PCDH9: variants seen among roughly 807,000 people sequenced by gnomAD.
PCDH9 encodes protocadherin 9, also known as protocadherin-9.
In PCDH9, 24 loss-of-function variants were observed where a neutral mutation model predicts 70.6. That is an observed-to-expected ratio of 0.34 (90% CI 0.25 to 0.48). PCDH9 has a LOEUF of 0.48. PCDH9 is among the 20% of genes least tolerant of loss of function. PCDH9 has a pLI of 0.99. For missense variants in PCDH9, 1,281 were observed against 1,503.6 expected (o/e 0.85, Z 2.45); for synonymous variants, 562 against 558.5 (o/e 1.01, Z -0.09).
chr13:66,946,513 A>T (rs1315688606), intron 2 of PCDH9, among the ~76,000 whole-genome samples: 2 of 152,080 alleles, frequency 1.3e-5, no homozygotes, highest in African/African-American at 4.8e-5. Context: ...CTAATTTTTT[A>T]AAAAGATTTT....
intron 2 of PCDH9, chr13:67,209,258 G>A (rs1320173393): frequency 6.6e-6 from 1 of 152,110 alleles, no homozygotes; most frequent in Non-Finnish European, 1.5e-5. Flanking sequence ...AATTCCTTAA[G>A]AATGTATATT....
At position 67,225,488 on chromosome 13, in the gene PCDH9, A is replaced by G. The variant is rs750028316; in HGVS notation, c.2953T>C (p.Ser985Pro). 11 of 1,613,912 alleles carry G rather than the reference A, an allele frequency of 6.8e-6. No individual in the cohort carries two copies. The East Asian group carries it at 2.5e-4, about 36-fold the overall frequency. Reference sequence around the variant, plus strand: ...GCACTGAAGTGATCTGAACTAGTGGAAGAGCGTTTAGAAAGGGTGTCACAA... The same window carrying G: ...GCACTGAAGTGATCTGAACTAGTGGGAGAGCGTTTAGAAAGGGTGTCACAA... ...GGCDTLSKRS[S>P]TSSDHFSASE... is the part of the protein sequence containing the mutation. The change falls in exon 2 of 5, where the codon TCC (serine) becomes CCC (proline). Residue 985 changes from serine (S) to proline (P), a missense_variant. Around this residue, in one of 4 missense-constraint regions of PCDH9, gnomAD observed 207 missense variants for 191.8 expected, o/e 1.08. Coordinates refer to ENST00000377865, the MANE Select transcript of PCDH9 (RefSeq NM_203487.3).
intron 4 of PCDH9, among the ~76,000 whole-genome samples, chr13:66,385,369 T>G (rs1381620151): frequency 6.6e-6 from 1 of 152,118 alleles, no homozygotes; most frequent in Non-Finnish European, 1.5e-5. Context: ...GCACTGGATA[T>G]CAGAAAAGGT....
chr13:66,498,229 C>T (rs1293139401), intron 4 of PCDH9, among the ~76,000 whole-genome samples: 1 of 151,520 alleles, frequency 6.6e-6, no homozygotes, highest in Non-Finnish European at 1.5e-5. Context: ...CTTGAAAGCT[C>T]CACTTCCCAG....
chr13:66,602,472 G>T (rs2138848104), intron 4 of PCDH9, among the ~76,000 whole-genome samples: 1 of 145,434 alleles, frequency 6.9e-6, no homozygotes, highest in South Asian at 2.2e-4. Flanking sequence ...GTGTGCTTGT[G>T]TCTTAGTTTT....
At chr13:67,006,871 C>A (rs947566220) in intron 2 of PCDH9, among the ~76,000 whole-genome samples, 2 of 152,054 alleles carry the variant, frequency 1.3e-5, no homozygotes, top group Non-Finnish European at 2.9e-5. Context: ...CTTATTTATA[C>A]ATTTAAAGGA....
chr13:67,222,544 G>T (rs954841520), intron 2 of PCDH9: 1 of 152,006 alleles, frequency 6.6e-6, no homozygotes, highest in Non-Finnish European at 1.5e-5. Flanking sequence ...TTATGTTTTC[G>T]TTATACATAC....
chr13:67,154,870 A>AT (rs984259673), intron 2 of PCDH9, among the ~76,000 whole-genome samples: 2 of 151,462 alleles, frequency 1.3e-5, no homozygotes, highest in African/African-American at 4.8e-5. Context: ...CACCCAGCAA[A>AT]TTTTTTGTAT....
intron 3 of PCDH9, among the ~76,000 whole-genome samples, chr13:66,762,579 A>G (rs1362897152): frequency 6.6e-6 from 1 of 151,946 alleles, no homozygotes; most frequent in African/African-American, 2.4e-5. Flanking sequence ...TTTTCCTGTC[A>G]TTATGCAACA....
intron 3 of PCDH9, among the ~76,000 whole-genome samples, chr13:66,858,095 T>C (rs1024931287): frequency 6.6e-6 from 1 of 152,138 alleles, no homozygotes; most frequent in South Asian, 2.1e-4. Flanking sequence ...AATAACACAA[T>C]TAAATTACTA....
chr13:67,027,476 C>G (rs1254124214), intron 2 of PCDH9, among the ~76,000 whole-genome samples: 1 of 152,108 alleles, frequency 6.6e-6, no homozygotes, highest in Non-Finnish European at 1.5e-5. Context: ...TAGAAGAAAA[C>G]CTAGGCATTA....
intron 2 of PCDH9, among the ~76,000 whole-genome samples, chr13:67,122,262 A>G (rs1415946146): frequency 2.6e-5 from 4 of 152,200 alleles, no homozygotes; most frequent in African/African-American, 9.7e-5. Context: ...ACACAATTAC[A>G]ATGTGTAATT....
chr13:66,559,817 A>AAAAAATAT (rs71677008), intron 4 of PCDH9, among the ~76,000 whole-genome samples: 4 of 93,102 alleles, frequency 4.3e-5, no homozygotes, highest in Admixed American at 1.4e-4. Context: ...AAAAAAAAAA[A>AAAAAATAT]ATATATATAT....
At chr13:66,309,133 G>A (rs2138059633) in intron 4 of PCDH9, among the ~76,000 whole-genome samples, 1 of 152,070 alleles carries the variant, frequency 6.6e-6, no homozygotes, top group African/African-American at 2.4e-5. Flanking sequence ...ATAGGGAAAA[G>A]TTTAATTTGT....
chr13:66,782,396 G>A (rs990642737), intron 3 of PCDH9, among the ~76,000 whole-genome samples: 1 of 151,986 alleles, frequency 6.6e-6, no homozygotes, highest in Admixed American at 6.6e-5. Context: ...TTTTCAATGG[G>A]GTATCAATCA....
intron 3 of PCDH9, among the ~76,000 whole-genome samples, chr13:66,803,188 C>A (rs530773200): frequency 6.6e-6 from 1 of 152,148 alleles, no homozygotes; most frequent in Non-Finnish European, 1.5e-5. Flanking sequence ...CTAATGTGTG[C>A]TGTTTGCAGC....
intron 2 of PCDH9, among the ~76,000 whole-genome samples, chr13:67,031,497 G>C (rs2084905906): frequency 1.3e-5 from 2 of 151,944 alleles, no homozygotes; most frequent in South Asian, 4.1e-4. Flanking sequence ...TTGAGGTCTG[G>C]AGTGGTGAAA....
intron 2 of PCDH9, among the ~76,000 whole-genome samples, chr13:67,069,944 T>C (rs2085727592): frequency 6.6e-6 from 1 of 151,956 alleles, no homozygotes; most frequent in Non-Finnish European, 1.5e-5. Flanking sequence ...TAAGAACTTT[T>C]TTTTACAAAA....
chr13:66,434,254 A>T (rs1957827134), intron 4 of PCDH9, among the ~76,000 whole-genome samples: 1 of 151,972 alleles, frequency 6.6e-6, no homozygotes, highest in African/African-American at 2.4e-5. Context: ...TCTTTAACTT[A>T]CAAACAAAAA....
Sources: allele counts gnomAD v4.1 joint callset (sites outside exome capture counted in the v4.1 genomes callset), GRCh38; gene constraint gnomAD v4.1.1; regional missense constraint gnomAD v4.1.1; transcripts MANE v1.5; gene names NCBI Gene and HGNC (gene_info 2026-07-23, HGNC 2026-07-21).